The following DGKB variants were observed in gnomAD, a reference collection of about 807,000 sequenced individuals.
The protein encoded by DGKB is 90 kDa diacylglycerol kinase.
Under a neutral mutation model 114.3 loss-of-function variants are expected in DGKB, and 67 were observed. The ratio of observed to expected loss-of-function variants is 0.59; its 90% CI spans 0.48 to 0.72. The LOEUF (loss-of-function observed/expected upper bound fraction) is 0.72, where lower values mean the gene tolerates loss of function less well. Ranked by LOEUF, DGKB falls within the 30% of genes least tolerant of loss-of-function variation. The probability of loss-of-function intolerance (pLI) is 0.00; values close to 1 mark genes in which losing one functional copy is unlikely to be tolerated. For synonymous variants in DGKB, 398 were observed against 323.1 expected (o/e 1.23, Z -2.49); for missense variants, 907 against 975.2 (o/e 0.93, Z 0.93).
intron 6 of DGKB, among the ~76,000 whole-genome samples, chr7:14,714,792 C>G (rs2128341289): frequency 6.6e-6 from 1 of 152,234 alleles, no homozygotes; most frequent in Middle Eastern, 3.4e-3. Flanking sequence ...AGTTGAATGT[C>G]TGAAATTAAG....
At chr7:14,275,572 T>A (rs1202992483) in intron 23 of DGKB, among the ~76,000 whole-genome samples, 1 of 152,196 alleles carries the variant, frequency 6.6e-6, no homozygotes, top group Non-Finnish European at 1.5e-5. Flanking sequence ...TGTGTGGAAC[T>A]TTTAATAGCG....
intron 2 of DGKB, among the ~76,000 whole-genome samples, chr7:14,796,140 G>A (rs952889145): frequency 2.0e-5 from 3 of 152,128 alleles, no homozygotes; most frequent in African/African-American, 7.2e-5. Flanking sequence ...GTTGATGGGT[G>A]CAATTCCCAG....
chr7:14,881,195 T>C (rs1317798014), intron 1 of DGKB, among the ~76,000 whole-genome samples: 1 of 152,152 alleles, frequency 6.6e-6, no homozygotes, highest in East Asian at 1.9e-4. Flanking sequence ...TATAATGTTG[T>C]TGTTGGTATT....
chr7:14,933,081 C>T (rs1785109191), intron 1 of DGKB, among the ~76,000 whole-genome samples: 1 of 152,140 alleles, frequency 6.6e-6, no homozygotes, highest in Admixed American at 6.6e-5. Context: ...GATGGGTTTG[C>T]AAACTCCCAC....
chr7:14,557,070 C>A (rs1795977645), intron 20 of DGKB, among the ~76,000 whole-genome samples: 1 of 152,112 alleles, frequency 6.6e-6, no homozygotes, highest in South Asian at 2.1e-4. Flanking sequence ...AATGCAAATT[C>A]TCAGCCCCCG....
At chr7:14,283,117 C>T (rs193168276) in intron 23 of DGKB, among the ~76,000 whole-genome samples, 118,120 of 151,376 alleles carry the variant, frequency 0.78, 46,624 homozygotes, top group African/African-American at 0.88. Flanking sequence ...GAAAAACCCA[C>T]TGTCTCAGCC....
At chr7:14,474,166 G>C (rs191843986) in intron 21 of DGKB, among the ~76,000 whole-genome samples, 1 of 152,172 alleles carries the variant, frequency 6.6e-6, no homozygotes, top group Non-Finnish European at 1.5e-5. Flanking sequence ...TTGTGGGAAG[G>C]ACCTGGTGGG....
chr7:14,558,564 G>C (rs1563506529), intron 20 of DGKB, among the ~76,000 whole-genome samples: 1 of 151,966 alleles, frequency 6.6e-6, no homozygotes, highest in Non-Finnish European at 1.5e-5. Context: ...GATTTTCCTT[G>C]TGGCCACATG....
intron 17 of DGKB, among the ~76,000 whole-genome samples, chr7:14,603,018 C>T (rs1585056390): frequency 3.3e-5 from 5 of 152,050 alleles, no homozygotes; most frequent in African/African-American, 1.2e-4. Flanking sequence ...TTTGTGGATG[C>T]ATGTAAAAGG....
At chr7:14,680,227 A>AT (rs1820596286) in intron 12 of DGKB, among the ~76,000 whole-genome samples, 1 of 151,810 alleles carries the variant, frequency 6.6e-6, no homozygotes, top group African/African-American at 2.4e-5. Flanking sequence ...TAATTGACTT[A>AT]TTTATTAATA....
intron 2 of DGKB, among the ~76,000 whole-genome samples, chr7:14,790,928 C>T (rs1315851183): frequency 1.3e-5 from 2 of 152,158 alleles, no homozygotes; most frequent in South Asian, 2.1e-4. Flanking sequence ...GTTTAGACTC[C>T]CAACCATGAA....
At chr7:14,168,517 C>A (rs969011) in intron 25 of DGKB, among the ~76,000 whole-genome samples, 134,187 of 152,224 alleles carry the variant, frequency 0.88, 59,485 homozygotes, top group East Asian at 1. Flanking sequence ...CATCAAAGTC[C>A]AACTGCTGAA....
chr7:14,528,807 C>A (rs976951192), intron 20 of DGKB, among the ~76,000 whole-genome samples: 21 of 151,998 alleles, frequency 1.4e-4, no homozygotes, highest in Admixed American at 1.4e-3. Context: ...TCTATGGTTT[C>A]TCTATAAAAT....
Position 14,541,701 on chromosome 7 carries a change from T to C in DGKB, c.1770+32511A>G, listed in dbSNP as rs1371820820. Among the ~76,000 whole-genome samples, 3 of 152,334 alleles carry C rather than the reference T, an allele frequency of 2.0e-5. 1 individual carries two copies. Among genetic ancestry groups the C allele is most frequent in the East Asian group, 3.9e-4 (2 of 5,184 alleles). On this transcript the variant is annotated intron_variant, in intron 20 of 25. Transcript: ENST00000402815. ...TATGCCATTGTACCTTCTATAGGCT[T>C]TTCTGAGCAATCACATCCACATCAA... is the stretch of plus-strand genomic sequence containing the variant.
chr7:14,973,821 T>C (rs1304524206), intron 1 of DGKB, among the ~76,000 whole-genome samples: 1 of 148,340 alleles, frequency 6.7e-6, no homozygotes, highest in Non-Finnish European at 1.5e-5. Context: ...TGTGTATATA[T>C]AAATTACATA....
At chr7:14,731,195 A>T (rs535430719) in intron 5 of DGKB, among the ~76,000 whole-genome samples, 1 of 152,220 alleles carries the variant, frequency 6.6e-6, no homozygotes, top group South Asian at 2.1e-4. Context: ...AGGTAGGAAT[A>T]GTAGCAGGTT....
rs187574447 is a variant in DGKB at position 14,726,216 on chromosome 7, G to A, written c.323-7531C>T. Among the ~76,000 whole-genome samples, 20 of 151,898 alleles carry A rather than the reference G, an allele frequency of 1.3e-4. No homozygotes were observed. In the East Asian group the frequency reaches 3.5e-3, roughly 27 times the overall value. ...GTGCAGTGGCGCAATCTGGGCTCAT[G>A]GCAACCTCTGCCTCCCAGGTTCAAG... On this transcript the variant is annotated intron_variant, in intron 5 of 25. Coordinates refer to ENST00000402815, the MANE Select transcript of DGKB (RefSeq NM_001350709.2).
At chr7:14,901,444 G>A (rs1343089850) in intron 1 of DGKB, among the ~76,000 whole-genome samples, 4 of 152,116 alleles carry the variant, frequency 2.6e-5, no homozygotes, top group Non-Finnish European at 5.9e-5. Context: ...CTAGCCTATG[G>A]ACGTATCCAG....
At chr7:14,972,501 T>TA (rs1332024700) in intron 1 of DGKB, among the ~76,000 whole-genome samples, 1 of 152,142 alleles carries the variant, frequency 6.6e-6, no homozygotes, top group African/African-American at 2.4e-5. Flanking sequence ...TGTCTTGCTA[T>TA]AAAATCACTG....
Sources: allele counts gnomAD v4.1 joint callset (sites outside exome capture counted in the v4.1 genomes callset), GRCh38; gene constraint gnomAD v4.1.1; transcripts MANE v1.5; gene names NCBI Gene and HGNC (gene_info 2026-07-23, HGNC 2026-07-21).